NCOR2: variants seen among roughly 807,000 people sequenced by gnomAD.
NCOR2 encodes the protein nuclear receptor corepressor 2, also known as CTG repeat protein 26.
Under a neutral mutation model 262.9 loss-of-function variants are expected in NCOR2, and 81 were observed. The ratio of observed to expected loss-of-function variants is 0.31; its 90% confidence interval spans 0.26 to 0.37. The LOEUF (loss-of-function observed/expected upper bound fraction) is 0.37, where lower values mean the gene tolerates loss of function less well. Among genes scored for constraint, NCOR2 ranks in the 10% least tolerant of loss-of-function variants. The pLI is 1.00. For synonymous variants in NCOR2, 1,659 were observed against 1,559.3 expected, an observed-to-expected ratio of 1.06 and a Z score of -1.51; for missense variants, 3,385 against 3,621.4, an observed-to-expected ratio of 0.93 and a Z score of 1.68.
chr12:124,479,456 C>T (rs926406205), intron 3 of NCOR2, among the ~76,000 whole-genome samples: 1 of 143,718 alleles, frequency 7.0e-6, no homozygotes, highest in African/African-American at 2.6e-5. Context: ...CACACGCATA[C>T]ACACACACAC....
At chr12:124,366,319 G>A (rs1566402470) in intron 20 of NCOR2, among the ~76,000 whole-genome samples, 1 of 152,212 alleles carries the variant, frequency 6.6e-6, no homozygotes, top group South Asian at 2.1e-4. Context: ...CACGATGCGC[G>A]TGAAACAAGC....
At chr12:124,427,923 C>T (rs748161360) in intron 10 of NCOR2, among the ~76,000 whole-genome samples, 1 of 152,150 alleles carries the variant, frequency 6.6e-6, no homozygotes, top group African/African-American at 2.4e-5. Flanking sequence ...CCCGGGGGAA[C>T]CTCAGGTCAC....
intron 1 of NCOR2, among the ~76,000 whole-genome samples, chr12:124,522,849 T>G (rs187078491): frequency 6.6e-6 from 1 of 152,316 alleles, no homozygotes; most frequent in Non-Finnish European, 1.5e-5. Flanking sequence ...GAAACAGACC[T>G]GAGAGATCCC....
exon 41 of NCOR2, chr12:124,334,455 G>C: frequency 6.7e-7 from 1 of 1,496,660 alleles, no homozygotes; most frequent in South Asian, 1.3e-5. Flanking sequence ...GGGGAGCCAC[G>C]GGCCGGGGCA....
At chr12:124,339,905 A>ACCTC in intron 37 of NCOR2, 101 bp downstream of exon 39, 1 of 163,602 alleles carries the variant, frequency 6.1e-6, no homozygotes, top group Non-Finnish European at 1.1e-5. Flanking sequence ...CCACCCACCC[A>ACCTC]CCTCCCATAT....
chr12:124,413,112 C>A, intron 13 of NCOR2, among the ~76,000 whole-genome samples: 1 of 152,246 alleles, frequency 6.6e-6, no homozygotes, highest in South Asian at 2.1e-4. Flanking sequence ...CCATTTCAAT[C>A]CCACCTTGAC....
At chr12:124,533,934 T>TTC (rs1439243866) in intron 1 of NCOR2, among the ~76,000 whole-genome samples, 1 of 151,350 alleles carries the variant, frequency 6.6e-6, no homozygotes, top group Non-Finnish European at 1.5e-5. Context: ...TTTTGTGATT[T>TTC]TTTTTTTTTT....
intron 27 of NCOR2, among the ~76,000 whole-genome samples, chr12:124,352,350 G>T (rs1438533482): frequency 1.3e-5 from 2 of 152,144 alleles, no homozygotes; most frequent in Admixed American, 6.5e-5. Flanking sequence ...TAAAAAGGGG[G>T]GCTCTCCATG....
intron 1 of NCOR2, among the ~76,000 whole-genome samples, chr12:124,488,608 A>G (rs1272470162): frequency 6.6e-6 from 1 of 152,172 alleles, no homozygotes; most frequent in Non-Finnish European, 1.5e-5. Context: ...GTGGGAGGAG[A>G]AGGGAGAAGA....
intron 1 of NCOR2, among the ~76,000 whole-genome samples, chr12:124,541,909 G>A (rs866166463): frequency 1.5e-5 from 2 of 130,738 alleles, no homozygotes; most frequent in African/African-American, 2.9e-5. Context: ...GGGAGGGGGT[G>A]GAGAGTTGGA....
chr12:124,525,240 C>T lies in NCOR2; in HGVS notation c.-118+10325G>A, dbSNP rs190054135. Among the ~76,000 whole-genome samples, 168 of 152,210 alleles carry T rather than the reference C, an allele frequency of 1.1e-3. 2 individuals carry two copies. Among genetic ancestry groups the T allele is most frequent in the African/African-American group, 3.8e-3 (157 of 41,526 alleles). On this transcript the variant is annotated intron_variant, in intron 1 of 46. Transcript: ENST00000404621. The stretch of plus-strand genomic sequence containing the variant: ...CCGGAGGGCCTTCGCGCCTGCTGTT[C>T]CCTCATCCCCCTTCCTTTCACATAG...
chr12:124,376,031 C>T (rs1213994466), intron 18 of NCOR2, among the ~76,000 whole-genome samples: 1 of 152,166 alleles, frequency 6.6e-6, no homozygotes, highest in Non-Finnish European at 1.5e-5. Context: ...GGCCGGCAGA[C>T]CCCGAGCCTA....
At chr12:124,496,819 G>A (rs1034588948), upstream of NCOR2, among the ~76,000 whole-genome samples, 1 of 151,208 alleles carries the variant, frequency 6.6e-6, no homozygotes, top group African/African-American at 2.4e-5. This position sits in a 1 kb window ranked among gnomAD's most constrained non-coding sequence, Gnocchi z 4.4. Flanking sequence ...ACTGTCTCAA[G>A]GATGAGCCTG....
chr12:124,335,827 G>A, intron 38 of NCOR2, 195 bp from the exon 41 acceptor site: 1 of 605,566 alleles, frequency 1.7e-6, no homozygotes, highest in Non-Finnish European at 2.9e-6. Flanking sequence ...AGGGAGAGGT[G>A]GAGAGAGATG....
At chr12:124,354,229 G>A (rs1342507562) in intron 26 of NCOR2, 33 bp from the exon 29 acceptor site, 2 of 1,544,040 alleles carry the variant, frequency 1.3e-6, no homozygotes, top group Admixed American at 1.9e-5. Context: ...CTGAGGGCGT[G>A]TCTGTGGCCC....
Position 124,332,060 on chromosome 12 carries a change from G to A in NCOR2, c.6904+259C>T, listed in dbSNP as rs183235783. ...ACCCCTGGTCCCAGTATTCATGCAGGTATTCACTGGGCACCTACTATGTGC... is the reference window on the plus strand; with the variant it reads ...ACCCCTGGTCCCAGTATTCATGCAGATATTCACTGGGCACCTACTATGTGC... On this transcript the variant is annotated intron_variant, in intron 43 of 46. Transcript: ENST00000405201. 5 of 482,724 alleles carry A rather than the reference G, an allele frequency of 1.0e-5. No individual in the cohort carries two copies. The East Asian group carries it at 1.1e-4, about 11-fold the overall frequency. The allele number at this position is 482,724 out of a possible 1,614,324, so 29.9% of individuals were successfully genotyped here. A position where few individuals can be genotyped will look rare whatever the true frequency, so the allele number is the denominator to read the frequency against.
At chr12:124,420,123 TCA>T in intron 12 of NCOR2, 68 bp from the exon 15 acceptor site, 1 of 1,356,718 alleles carries the variant, frequency 7.4e-7, no homozygotes, top group Non-Finnish European at 1.0e-6. Flanking sequence ...AGCCAGGAGC[TCA>T]CATCCTGGGC....
At chr12:124,490,102 C>G (rs984036439) in intron 1 of NCOR2, among the ~76,000 whole-genome samples, 1 of 152,234 alleles carries the variant, frequency 6.6e-6, no homozygotes, top group Non-Finnish European at 1.5e-5. Context: ...GAGCTCCCAC[C>G]TCAGGACCTT....
rs2052253354 is a variant in NCOR2 at position 124,566,731 on chromosome 12, G to A, written c.-165+577C>T. On this transcript the variant is annotated intron_variant, in intron 1 of 32. Transcript: ENST00000458234. The surrounding 1 kb of genome is among the most constrained non-coding windows in gnomAD (Gnocchi z 4.3). ...CCAGGAACACCGGCCCGCGGGGGAG[G>A]GGGACCAGGGGCGACTCTCCCGAGG... is the stretch of plus-strand genomic sequence containing the variant. Among the ~76,000 whole-genome samples the A allele has an allele frequency of 6.6e-6, 1 of 152,196 alleles. No homozygotes were observed. Among genetic ancestry groups the A allele is most frequent in the Non-Finnish European group, 1.5e-5 (1 of 68,032 alleles).
Sources: gnomAD v4.1 joint callset for allele counts (sites outside exome capture counted in the v4.1 genomes callset) on GRCh38, gnomAD v4.1.1 for gene constraint, Gnocchi (gnomAD v3.1) non-coding constraint, MANE v1.5 for transcripts, NCBI Gene and HGNC (gene_info 2026-07-23, HGNC 2026-07-21) for gene names.